EXOC6B: variants seen among roughly 807,000 people sequenced by gnomAD.
EXOC6B encodes the protein exocyst complex component 6B.
EXOC6B carries 54 observed loss-of-function variants against 113.5 expected under a neutral mutation model. The ratio of observed to expected loss-of-function variants is 0.48; its 90% confidence interval spans 0.38 to 0.60. The LOEUF is 0.60. Among genes scored for constraint, EXOC6B ranks in the 20% least tolerant of loss-of-function variants. EXOC6B has a pLI of 0.00. For synonymous variants in EXOC6B, 357 were observed against 339.0 expected, an observed-to-expected ratio of 1.05 and a Z score of -0.58; for missense variants, 797 against 977.5, an observed-to-expected ratio of 0.82 and a Z score of 2.46.
At chr2:72,303,995 C>G (rs921749184) in intron 20 of EXOC6B, among the ~76,000 whole-genome samples, 4 of 152,170 alleles carry the variant, frequency 2.6e-5, no homozygotes, top group African/African-American at 7.2e-5. Flanking sequence ...GGGGTTCAGA[C>G]TAGCCCCTGA....
intron 6 of EXOC6B, among the ~76,000 whole-genome samples, chr2:72,612,098 A>AGTGTCTCTACT (rs1671109361): frequency 2.0e-5 from 3 of 152,108 alleles, no homozygotes; most frequent in Admixed American, 2.0e-4. Context: ...CAACATGGCA[A>AGTGTCTCTACT]AAACTGTCTC....
At chr2:72,597,651 AG>A (rs1338964103) in intron 6 of EXOC6B, among the ~76,000 whole-genome samples, 6 of 151,996 alleles carry the variant, frequency 3.9e-5, no homozygotes, top group Admixed American at 3.9e-4. Context: ...AGATGGAAAG[AG>A]TGGATAAAAA....
intron 20 of EXOC6B, among the ~76,000 whole-genome samples, chr2:72,191,755 G>A (rs576265253): frequency 3.3e-5 from 5 of 152,290 alleles, no homozygotes; most frequent in East Asian, 3.9e-4. Flanking sequence ...TTAGGAATGC[G>A]ATTATTATTA....
intron 16 of EXOC6B, among the ~76,000 whole-genome samples, chr2:72,489,345 G>A (rs962012943): frequency 2.6e-5 from 4 of 152,144 alleles, no homozygotes; most frequent in Non-Finnish European, 4.4e-5. Flanking sequence ...GTGCCTAATA[G>A]AGAGTACATA....
intron 20 of EXOC6B, among the ~76,000 whole-genome samples, chr2:72,243,098 A>G (rs1682426969): frequency 6.6e-6 from 1 of 152,144 alleles, no homozygotes; most frequent in African/African-American, 2.4e-5. Flanking sequence ...GACATACCCG[A>G]GACTGGGTAA....
chr2:72,589,321 C>T (rs1348614146), intron 6 of EXOC6B, among the ~76,000 whole-genome samples: 1 of 151,884 alleles, frequency 6.6e-6, no homozygotes, highest in Non-Finnish European at 1.5e-5. Context: ...AGACAGTTGA[C>T]ACAAACTTAG....
chr2:72,279,449 C>A (rs576014886), intron 20 of EXOC6B, among the ~76,000 whole-genome samples: 7 of 152,048 alleles, frequency 4.6e-5, no homozygotes, highest in African/African-American at 1.7e-4. Flanking sequence ...TGTATAAGGG[C>A]CCAAATATTA....
intron 6 of EXOC6B, among the ~76,000 whole-genome samples, chr2:72,704,525 T>C (rs1269802117): frequency 6.6e-6 from 1 of 150,666 alleles, no homozygotes; most frequent in African/African-American, 2.4e-5. Context: ...TTCAAAAAAT[T>C]AATGAATCCA....
At chr2:72,549,288 A>G (rs1336984837) in intron 8 of EXOC6B, among the ~76,000 whole-genome samples, 1 of 152,160 alleles carries the variant, frequency 6.6e-6, no homozygotes, top group African/African-American at 2.4e-5. Flanking sequence ...TTGTATGTTG[A>G]ATAGATTATT....
Position 72,741,405 on chromosome 2 carries a change from G to A in EXOC6B, c.178C>T (p.His60Tyr). Residue 60 changes from histidine (H) to tyrosine (Y), a missense_variant, in exon 2 of 22, where the codon CAC becomes TAC. By Grantham distance (83) the His-to-Tyr change is moderately conservative. Coordinates refer to ENST00000272427, the MANE Select transcript of EXOC6B (RefSeq NM_015189.3). ...CACATTTTCTCAATTTCTCGGTCGT[G>A]ATTACGGATACGAGTTTCAAGCTTC... ...MEKLETRIRN[H>Y]DREIEKMCNF... 6.2e-7 allele frequency: 1 copy of A among 1,613,646 alleles called. No individual in the cohort carries two copies. The highest frequency in any genetic ancestry group is 1.3e-5 in the African/African-American group (1 of 74,934).
intron 18 of EXOC6B, among the ~76,000 whole-genome samples, chr2:72,449,424 G>A (rs567405678): frequency 4.0e-5 from 6 of 151,104 alleles, no homozygotes; most frequent in African/African-American, 1.2e-4. Flanking sequence ...ACCCGCCTCT[G>A]CCTCCCAAAG....
intron 18 of EXOC6B, among the ~76,000 whole-genome samples, chr2:72,456,923 T>C (rs959485992): frequency 5.9e-5 from 9 of 151,788 alleles, no homozygotes; most frequent in Non-Finnish European, 1.0e-4. Context: ...GAAGGTGTGG[T>C]CCTTGAAATG....
intron 18 of EXOC6B, among the ~76,000 whole-genome samples, chr2:72,400,029 A>G (rs7583268): frequency 0.19 from 29,502 of 152,114 alleles, 5,169 homozygotes; most frequent in African/African-American, 0.47. Flanking sequence ...CTCACTTCAA[A>G]TTACACTACA....
At chr2:72,303,224 G>A (rs541122614) in intron 20 of EXOC6B, among the ~76,000 whole-genome samples, 2 of 152,196 alleles carry the variant, frequency 1.3e-5, no homozygotes, top group South Asian at 4.2e-4. Context: ...TAGATGACCT[G>A]CCCTTTCTCT....
At chr2:72,722,691 G>A (rs1197026506) in intron 5 of EXOC6B, among the ~76,000 whole-genome samples, 3 of 152,198 alleles carry the variant, frequency 2.0e-5, no homozygotes, top group Admixed American at 2.0e-4. Context: ...AATTAGGTAT[G>A]AAGAGCTATG....
chr2:72,350,473 T>C (rs192227554), intron 19 of EXOC6B, among the ~76,000 whole-genome samples: 9 of 152,352 alleles, frequency 5.9e-5, no homozygotes, highest in Non-Finnish European at 4.4e-5. Flanking sequence ...CTAATGAATT[T>C]ATTTTCAGAG....
At chr2:72,186,736 G>A (rs1235269319) in intron 20 of EXOC6B, among the ~76,000 whole-genome samples, 1 of 152,128 alleles carries the variant, frequency 6.6e-6, no homozygotes, top group Non-Finnish European at 1.5e-5. Flanking sequence ...TTTCTGTGAT[G>A]GAATTAATGT....
intron 6 of EXOC6B, among the ~76,000 whole-genome samples, chr2:72,700,237 A>AACACACAAAC (rs1553469032): frequency 7.0e-6 from 1 of 142,318 alleles, no homozygotes; most frequent in Non-Finnish European, 1.5e-5. Context: ...AGACCACAGA[A>AACACACAAAC]ACACACACAC....
At chr2:72,444,332 G>C (rs1451777014) in intron 18 of EXOC6B, among the ~76,000 whole-genome samples, 1 of 152,200 alleles carries the variant, frequency 6.6e-6, no homozygotes, top group Non-Finnish European at 1.5e-5. Flanking sequence ...CCACCCAGCT[G>C]CTCTCACGGG....
Sources: allele counts gnomAD v4.1 joint callset (sites outside exome capture counted in the v4.1 genomes callset), GRCh38; gene constraint gnomAD v4.1.1; transcripts MANE v1.5; gene names NCBI Gene and HGNC (gene_info 2026-07-23, HGNC 2026-07-21).